The following RUFY1 variants were observed in gnomAD, a reference collection of about 807,000 sequenced individuals.
The protein encoded by RUFY1 is RUN and FYVE domain containing 1.
In RUFY1, 54 loss-of-function variants were observed where a neutral mutation model predicts 94.6. The observed-to-expected ratio is 0.57, with a 90% CI of 0.46 to 0.72. The LOEUF (loss-of-function observed/expected upper bound fraction) is 0.72. RUFY1 is among the 30% of genes least tolerant of loss of function. RUFY1 has a pLI of 0.00. For missense variants in RUFY1, 883 were observed against 883.9 expected (o/e 1.00, Z 0.01); for synonymous variants, 396 against 347.3 (o/e 1.14, Z -1.56).
intron 16 of RUFY1, 99 bp from the exon 17 acceptor site, chr5:179,607,483 C>A: frequency 1.1e-6 from 1 of 927,302 alleles, no homozygotes; most frequent in Non-Finnish European, 1.8e-6. Context: ...CACTAGGAAA[C>A]AGGTGCTATG....
Position 179,609,685 on chromosome 5 carries a change from C to T in RUFY1, c.*166C>T, listed in dbSNP as rs1176322589. 1 of 600,890 alleles carries T rather than the reference C, an allele frequency of 1.7e-6. No homozygotes were observed. Among genetic ancestry groups the T allele is most frequent in the Non-Finnish European group, 2.8e-6 (1 of 361,964 alleles). The allele number at this position is 600,890 out of a possible 1,614,324, so 37.2% of individuals were successfully genotyped here. On this transcript the variant is annotated 3_prime_UTR_variant, in exon 18 of 18. Coordinates refer to ENST00000319449, the MANE Select transcript of RUFY1 (RefSeq NM_025158.5). Reference sequence around the variant, plus strand: ...GCGTGCCGGAACCGGCAGCTCTCACCTTTCTGTGACTTGTTCGGAATTAAC... The same window carrying T: ...GCGTGCCGGAACCGGCAGCTCTCACTTTTCTGTGACTTGTTCGGAATTAAC...
intron 2 of RUFY1, among the ~76,000 whole-genome samples, chr5:179,561,450 G>A (rs556614065): frequency 9.1e-4 from 139 of 151,948 alleles, no homozygotes; most frequent in African/African-American, 3.3e-3. Context: ...CCTAAAGGGA[G>A]AAATGTGTCC....
chr5:179,568,245 CAAAAT>C (rs1279857501), intron 4 of RUFY1, among the ~76,000 whole-genome samples: 7 of 151,660 alleles, frequency 4.6e-5, no homozygotes, highest in Non-Finnish European at 1.0e-4. Flanking sequence ...GACTCTGTCT[CAAAAT>C]AAAAAATAAA....
In RUFY1 at chr5:179,562,566, C is replaced by G. The variant is rs141246652; in HGVS notation, c.504C>G (p.Gly168=). ...HGLKVKKSFI[G]QNKSFFGPLE... is the part of the protein sequence containing the mutation. Reference sequence around the variant, plus strand: ...TTTTAGTTAAGAAGAGTTTTATTGGCCAAAATAAATCATTCTTTGGTCCTT... The same window carrying G: ...TTTTAGTTAAGAAGAGTTTTATTGGGCAAAATAAATCATTCTTTGGTCCTT... The change falls in exon 3 of 18, where the codon GGC becomes GGG. Residue 168 remains glycine (G), a synonymous_variant. Coordinates refer to ENST00000319449, the MANE Select transcript of RUFY1 (RefSeq NM_025158.5). 6.2e-7 allele frequency: 1 copy of G among 1,608,190 alleles called. No individual in the cohort carries two copies. The highest frequency in any genetic ancestry group is 2.2e-5 in the East Asian group (1 of 44,836).
chr5:179,550,831 G>C lies in RUFY1; in HGVS notation c.262G>C (p.Ala88Pro). 8.0e-7 allele frequency: 1 copy of C among 1,247,800 alleles called. No individual in the cohort carries two copies. Among genetic ancestry groups the C allele is most frequent in the East Asian group, 3.4e-5 (1 of 29,276 alleles). 77.3% of individuals were successfully genotyped at this position (1,247,800 alleles called of 1,614,324 possible). A position where few individuals can be genotyped will look rare whatever the true frequency, so the allele number is the denominator to read the frequency against. Residue 88 changes from alanine to proline, a missense_variant, in exon 1 of 18, where the codon GCC (alanine) becomes CCC (proline). Physicochemically the swap from Ala to Pro is conservative, Grantham distance 27. Coordinates refer to ENST00000319449, the MANE Select transcript of RUFY1 (RefSeq NM_025158.5). The part of the protein sequence containing the change: ...SASCGSALRA[A>P]AGLGGGDSGD... ...GAGCTGCGGGAGCGCGCTGCGCGCGGCCGCGGGGCTGGGCGGCGGGGACAG... is the reference window on the plus strand; with the variant it reads ...GAGCTGCGGGAGCGCGCTGCGCGCGCCCGCGGGGCTGGGCGGCGGGGACAG...
At chr5:179,597,163 G>A (rs1056597429) in intron 13 of RUFY1, among the ~76,000 whole-genome samples, 4 of 151,986 alleles carry the variant, frequency 2.6e-5, no homozygotes, top group African/African-American at 7.2e-5. Flanking sequence ...AGCGATTCTT[G>A]TGCCTCAGCC....
chr5:179,597,661 C>G (rs1014896912), intron 13 of RUFY1, among the ~76,000 whole-genome samples: 1 of 152,196 alleles, frequency 6.6e-6, no homozygotes, highest in Non-Finnish European at 1.5e-5. Context: ...TGTGAACCAC[C>G]GTGCCTGGCC....
chr5:179,580,241 G>GTATATATATATATA (rs1554118908), intron 6 of RUFY1, among the ~76,000 whole-genome samples: 9 of 93,850 alleles, frequency 9.6e-5, no homozygotes, highest in Admixed American at 1.1e-4. Flanking sequence ...GTGTGTGTGT[G>GTATATATATATATA]TATATTTTTT....
intron 16 of RUFY1, 37 bp downstream of exon 16, chr5:179,605,961 C>T: frequency 7.2e-7 from 1 of 1,394,328 alleles, no homozygotes. Context: ...TTGCTGTCAG[C>T]TTGTGCTGAC....
chr5:179,605,857 G>T lies in RUFY1; in HGVS notation c.1857-19G>T. ...CACTCTCTCTCACTGCTATGAAATG[G>T]CCTTTTTTTTTTCCTTAGGTCCAAG... On this transcript the variant is annotated intron_variant, in intron 15 of 17. Coordinates refer to ENST00000319449, the MANE Select transcript of RUFY1 (RefSeq NM_025158.5). 6.4e-7 allele frequency: 1 copy of T among 1,567,274 alleles called. No individual in the cohort carries two copies.
intron 4 of RUFY1, chr5:179,569,001 A>G (rs1312667353): frequency 1.0e-6 from 1 of 982,490 alleles, no homozygotes; most frequent in Non-Finnish European, 1.2e-6. Context: ...CAGTGGAGAC[A>G]CAGGAGGGGA....
rs1168118637 is a variant in RUFY1, at chr5:179,609,360, T to C, written c.1984-16T>C. The C allele has an allele frequency of 6.2e-6, 10 of 1,611,824 alleles. No individual in the cohort carries two copies. Among genetic ancestry groups the C allele is most frequent in the South Asian group, 1.1e-5 (1 of 90,900 alleles). On this transcript the variant is annotated splice_polypyrimidine_tract_variant and intron_variant, in intron 17 of 17. Transcript: ENST00000319449. ...TTCCCCGGGTGTCCTGTGACCGCCT[T>C]CTTCCCGTCCTGTAGCACCACTGCC...
chr5:179,585,841 GACTA>G lies in RUFY1; in HGVS notation c.1006_1009del (p.Asn336GlnfsTer24), dbSNP rs777969370. The G allele has an allele frequency of 2.5e-6, 4 of 1,613,614 alleles. No individual in the cohort carries two copies. In the African/African-American group the frequency reaches 4.0e-5, roughly 16 times the overall value. The stretch of plus-strand genomic sequence containing the variant: ...AAACCAAGATAGATGGCTTGGAAAA[GACTA>G]ACTCAAAGCTTCAAGAAGAGGTTTG... On this transcript the variant is annotated frameshift_variant, in exon 8 of 18. Coordinates refer to ENST00000319449, the MANE Select transcript of RUFY1 (RefSeq NM_025158.5). LOFTEE classifies it high-confidence loss of function.
In RUFY1 at chr5:179,598,749, C is replaced by T. The variant is rs199910786; in HGVS notation, c.1689C>T (p.Arg563=). The change falls in exon 14 of 18, where the codon CGC becomes CGT. Residue 563 remains arginine, a synonymous_variant. Coordinates refer to ENST00000319449, the MANE Select transcript of RUFY1 (RefSeq NM_025158.5). The part of the protein sequence containing the change: ...SEKEQRQALQ[R]ELQHEKDTSS... ...AAGAGCAAAGACAGGCTCTTCAGCG[C>T]GAATTACAGCACGAGAAAGACACTT... 65 of 1,614,080 alleles carry T rather than the reference C, an allele frequency of 4.0e-5. No individual in the cohort carries two copies. Among genetic ancestry groups the T allele is most frequent in the Middle Eastern group, 1.6e-4 (1 of 6,062 alleles).
intron 2 of RUFY1, 42 bp downstream of exon 2, chr5:179,560,240 G>A: frequency 6.3e-7 from 1 of 1,597,032 alleles, no homozygotes; most frequent in African/African-American, 1.3e-5. Context: ...AGTTCGGGCT[G>A]GGTGTTTGCT....
chr5:179,557,294 G>A (rs1228961565), intron 1 of RUFY1, among the ~76,000 whole-genome samples: 2 of 152,140 alleles, frequency 1.3e-5, no homozygotes, highest in Non-Finnish European at 2.9e-5. Flanking sequence ...CCTGGGCATG[G>A]TGGCGGGCAC....
chr5:179,587,272 T>G (rs1451012847), intron 8 of RUFY1, among the ~76,000 whole-genome samples: 1 of 152,124 alleles, frequency 6.6e-6, no homozygotes, highest in East Asian at 1.9e-4. Context: ...CAGGCTGGTC[T>G]CAAACTCCTG....
At chr5:179,560,242 G>T (rs1762337439) in intron 2 of RUFY1, 44 bp downstream of exon 2, 1 of 1,594,098 alleles carries the variant, frequency 6.3e-7, no homozygotes, top group African/African-American at 1.3e-5. Context: ...TTCGGGCTGG[G>T]TGTTTGCTCA....
At chr5:179,559,828 C>A in intron 1 of RUFY1, 197 bp from the exon 2 acceptor site, 1 of 1,339,004 alleles carries the variant, frequency 7.5e-7, no homozygotes. Context: ...CAAGGCCCCG[C>A]CGTCCAGGTA....
Sources: gnomAD v4.1 joint callset for allele counts (sites outside exome capture counted in the v4.1 genomes callset) on GRCh38, gnomAD v4.1.1 for gene constraint, MANE v1.5 for transcripts, NCBI Gene and HGNC (gene_info 2026-07-23, HGNC 2026-07-21) for gene names.